WDPCP: variants seen among roughly 807,000 people sequenced by gnomAD.
WDPCP encodes WD repeat containing planar cell polarity effector.
In WDPCP, 71 loss-of-function variants were observed where a neutral mutation model predicts 93.1. The observed-to-expected ratio is 0.76, with a 90% CI of 0.63 to 0.93. The LOEUF is 0.93. WDPCP is among the 40% of genes least tolerant of loss of function. The pLI is 0.00. For missense variants in WDPCP, 844 were observed against 887.4 expected (o/e 0.95, Z 0.62); for synonymous variants, 315 against 315.0 (o/e 1.00, Z 0.00).
At chr2:63,214,711 T>G (rs1337449538) in intron 14 of WDPCP, among the ~76,000 whole-genome samples, 2 of 152,308 alleles carry the variant, frequency 1.3e-5, no homozygotes, top group Middle Eastern at 3.4e-3. Context: ...CATGATTGTA[T>G]ATTTAGAAAA....
At chr2:63,688,354 G>A (rs1008401445) in intron 2 of WDPCP, among the ~76,000 whole-genome samples, 5 of 151,978 alleles carry the variant, frequency 3.3e-5, no homozygotes, top group African/African-American at 9.7e-5. Flanking sequence ...GTGAACCTGG[G>A]AGGCGGAGCT....
chr2:63,736,066 C>T (rs1669635463), intron 2 of WDPCP, among the ~76,000 whole-genome samples: 1 of 152,278 alleles, frequency 6.6e-6, no homozygotes, highest in East Asian at 1.9e-4. Context: ...AGGCCAGTTT[C>T]CCCACCTCCA....
At chr2:63,336,087 C>T (rs1282583590) in intron 12 of WDPCP, among the ~76,000 whole-genome samples, 1 of 152,170 alleles carries the variant, frequency 6.6e-6, no homozygotes, top group South Asian at 2.1e-4. Context: ...AATGGGCAAC[C>T]AGCAGCACTC....
chr2:63,779,897 C>T (rs1447619512), intron 2 of WDPCP, among the ~76,000 whole-genome samples: 1 of 152,112 alleles, frequency 6.6e-6, no homozygotes, highest in Non-Finnish European at 1.5e-5. Context: ...CTAAATTATA[C>T]TTTCATTTCT....
At chr2:63,358,959 T>TA (rs755108846) in intron 12 of WDPCP, among the ~76,000 whole-genome samples, 8 of 152,198 alleles carry the variant, frequency 5.3e-5, no homozygotes, top group Non-Finnish European at 1.2e-4. Context: ...ATACTTAGAC[T>TA]TGACATATTT....
chr2:63,239,587 T>C (rs1282890002), intron 14 of WDPCP, among the ~76,000 whole-genome samples: 1 of 152,194 alleles, frequency 6.6e-6, no homozygotes, highest in Non-Finnish European at 1.5e-5. Flanking sequence ...TCAGAATTGA[T>C]ATAAATTCTG....
chr2:63,780,483 G>A (rs970712284), intron 2 of WDPCP, among the ~76,000 whole-genome samples: 3 of 152,176 alleles, frequency 2.0e-5, no homozygotes, highest in African/African-American at 7.2e-5. Context: ...CCCTGTTAAT[G>A]AACCAAGCTG....
At chr2:63,673,787 C>G (rs976168023) in intron 2 of WDPCP, among the ~76,000 whole-genome samples, 11 of 152,146 alleles carry the variant, frequency 7.2e-5, no homozygotes, top group African/African-American at 2.7e-4. Flanking sequence ...AACTTGGTCC[C>G]TATAAAAACT....
intron 15 of WDPCP, among the ~76,000 whole-genome samples, chr2:63,169,868 T>C (rs1236844839): frequency 6.6e-6 from 1 of 151,974 alleles, no homozygotes; most frequent in East Asian, 1.9e-4. Context: ...AATATTATGC[T>C]TTTTATTTTC....
At chr2:63,590,568 C>G (rs1012227526), upstream of WDPCP, 1 of 152,148 alleles carries the variant, frequency 6.6e-6, no homozygotes, top group Non-Finnish European at 1.5e-5. Context: ...TTATTCCTTG[C>G]CATTCAAAAT....
intron 10 of WDPCP, among the ~76,000 whole-genome samples, chr2:63,390,488 G>T (rs148147828): frequency 0.016 from 2,434 of 152,166 alleles, 55 homozygotes; most frequent in African/African-American, 0.053. Flanking sequence ...ACAATTAAAA[G>T]AATAGAGAAG....
intron 13 of WDPCP, 134 bp from the exon 14 acceptor site, chr2:63,259,543 A>T: frequency 1.3e-6 from 1 of 784,838 alleles, no homozygotes; most frequent in Non-Finnish European, 2.0e-6. Context: ...CTGTGTTTTA[A>T]GTTTCTTAGT....
intron 1 of WDPCP, among the ~76,000 whole-genome samples, chr2:63,538,926 T>A (rs1704509977): frequency 6.6e-6 from 1 of 152,154 alleles, no homozygotes; most frequent in Non-Finnish European, 1.5e-5. Context: ...GCAAAATAAC[T>A]GTGGTTAGTG....
At chr2:63,516,230 T>C (rs1490060574) in intron 1 of WDPCP, among the ~76,000 whole-genome samples, 1 of 152,128 alleles carries the variant, frequency 6.6e-6, no homozygotes, top group Non-Finnish European at 1.5e-5. Context: ...GATATTGCAA[T>C]ACATTCATAA....
intron 12 of WDPCP, among the ~76,000 whole-genome samples, chr2:63,347,125 C>A (rs950825068): frequency 1.3e-5 from 2 of 152,114 alleles, no homozygotes; most frequent in Non-Finnish European, 2.9e-5. Flanking sequence ...CTTCTGTGTA[C>A]TAGTTACTAT....
chr2:63,264,785 G>C (rs995334221), intron 13 of WDPCP, among the ~76,000 whole-genome samples: 1 of 152,166 alleles, frequency 6.6e-6, no homozygotes, highest in Non-Finnish European at 1.5e-5. Context: ...TTCTTTTCAA[G>C]AGTACATTGA....
chr2:63,628,470 C>G (rs551443826), intron 3 of WDPCP, among the ~76,000 whole-genome samples: 60 of 152,084 alleles, frequency 3.9e-4, no homozygotes, highest in Non-Finnish European at 7.6e-4. Flanking sequence ...CACAACAGAG[C>G]TATCTTAAAA....
At chr2:63,349,636 C>T (rs921931693) in intron 12 of WDPCP, among the ~76,000 whole-genome samples, 1 of 152,088 alleles carries the variant, frequency 6.6e-6, no homozygotes, top group East Asian at 1.9e-4. Context: ...GGTTTCTTTC[C>T]TTTTTAGCCC....
In WDPCP at chr2:63,312,863, G is replaced by A. The variant is rs1005792671; in HGVS notation, c.1812+385C>T. Among the ~76,000 whole-genome samples, 6 of 152,098 alleles carry A rather than the reference G, an allele frequency of 3.9e-5. No individual in the cohort carries two copies. The East Asian group carries it at 9.7e-4, about 24-fold the overall frequency. ...TATAAGGGACAAACTGAGCACATTC[G>A]AGATCTGTGGGACATCTTTTGCCCT... is the stretch of plus-strand genomic sequence containing the variant. On this transcript the variant is annotated intron_variant, in intron 13 of 17. Coordinates refer to ENST00000272321, the MANE Select transcript of WDPCP (RefSeq NM_015910.7).
Sources: allele counts gnomAD v4.1 joint callset (sites outside exome capture counted in the v4.1 genomes callset), GRCh38; gene constraint gnomAD v4.1.1; transcripts MANE v1.5; gene names NCBI Gene and HGNC (gene_info 2026-07-23, HGNC 2026-07-21).